The following SLC1A6 variants were observed in gnomAD, a reference collection of about 807,000 sequenced individuals.
SLC1A6 encodes excitatory amino acid transporter 4.
SLC1A6 carries 15 observed loss-of-function variants against 42.1 expected under a neutral mutation model. The observed-to-expected ratio is 0.36, with a 90% confidence interval of 0.24 to 0.55. The LOEUF is 0.55. Ranked by LOEUF, SLC1A6 falls within the 20% of genes least tolerant of loss-of-function variation. The pLI is 0.88. For missense variants in SLC1A6, 542 were observed against 772.5 expected (o/e 0.70, Z 3.54); for synonymous variants, 317 against 319.7 (o/e 0.99, Z 0.09).
chr19:14,964,698 G>A (rs2045553703), intron 4 of SLC1A6, among the ~76,000 whole-genome samples: 1 of 152,104 alleles, frequency 6.6e-6, no homozygotes, highest in African/African-American at 2.4e-5. Context: ...ATCACCTCAA[G>A]GACTTTAATT....
chr19:14,952,981 C>T lies in SLC1A6; in HGVS notation c.1446G>A (p.Ser482=), dbSNP rs759196664. The change falls in exon 9 of 10, where the codon TCG becomes TCA. Residue 482 remains serine, a synonymous_variant. Transcript: ENST00000594383. ...TGATGTCTTCCGTGGGCAAGCCGAC[C>T]GACGTAAGCACAATGACCATGGTGA... ...GLVTMVIVLT[S]VGLPTEDITL... is the part of the protein sequence containing the mutation. The T allele has an allele frequency of 6.2e-6, 10 of 1,613,960 alleles. No homozygotes were observed. The highest frequency in any genetic ancestry group is 1.6e-4 in the Middle Eastern group (1 of 6,062).
At chr19:14,969,039 C>T (rs2045607306) in intron 3 of SLC1A6, among the ~76,000 whole-genome samples, 1 of 152,010 alleles carries the variant, frequency 6.6e-6, no homozygotes, top group Non-Finnish European at 1.5e-5. Context: ...GGGGTTTCAC[C>T]ATGTTGGCCA....
rs1294967752 is a variant in SLC1A6, at chr19:14,972,862, G to A, written c.49C>T (p.Leu17=). The A allele has an allele frequency of 1.2e-6, 2 of 1,603,734 alleles. No homozygotes were observed. Among genetic ancestry groups the A allele is most frequent in the South Asian group, 1.1e-5 (1 of 89,782 alleles). Residue 17 remains leucine, a synonymous_variant, in exon 2 of 10, where the codon CTG becomes TTG. Coordinates refer to ENST00000594383, the MANE Select transcript of SLC1A6 (RefSeq NM_005071.3). ...CGCTGCAGCCAGCCCACCCGGCCCAGCCGCTGGCCGCTCTCCCGCAGGAAC... is the reference window on the plus strand; with the variant it reads ...CGCTGCAGCCAGCCCACCCGGCCCAACCGCTGGCCGCTCTCCCGCAGGAAC... ...SLFLRESGQR[L]GRVGWLQRLQ...
chr19:14,972,289 A>C (rs1417170336), intron 2 of SLC1A6, among the ~76,000 whole-genome samples: 1 of 152,174 alleles, frequency 6.6e-6, no homozygotes, highest in African/African-American at 2.4e-5. Context: ...CGTGTTCTTA[A>C]GCTCATAAGT....
At chr19:14,996,861 G>A (rs546680853) in intron 1 of SLC1A6, among the ~76,000 whole-genome samples, 1 of 152,162 alleles carries the variant, frequency 6.6e-6, no homozygotes, top group African/African-American at 2.4e-5. Context: ...CCAGGAGGTA[G>A]AAAGGATGCA....
chr19:15,003,566 G>A (rs138162063), intron 1 of SLC1A6, among the ~76,000 whole-genome samples: 1 of 151,510 alleles, frequency 6.6e-6, no homozygotes, highest in East Asian at 2.0e-4. Context: ...GTAGAACCTG[G>A]TGTCCCAGAA....
intron 1 of SLC1A6, among the ~76,000 whole-genome samples, chr19:14,975,526 G>A (rs1310973991): frequency 1.3e-5 from 2 of 152,018 alleles, no homozygotes; most frequent in African/African-American, 2.4e-5. Flanking sequence ...AGGCCGAGGT[G>A]GGCAGATCAC....
chr19:14,956,943 A>C (rs988400104), intron 6 of SLC1A6, among the ~76,000 whole-genome samples: 1 of 152,122 alleles, frequency 6.6e-6, no homozygotes, highest in Non-Finnish European at 1.5e-5. Context: ...CCATGGTAGA[A>C]AAGTTCCTAC....
Position 15,004,990 on chromosome 19 carries a change from T to C in SLC1A6, c.6+5495A>G, listed in dbSNP as rs144351747. 4.3e-3 allele frequency among the ~76,000 whole-genome samples: 659 copies of C among 152,290 alleles called. 6 individuals are homozygous for C. Among genetic ancestry groups the C allele is most frequent in the African/African-American group, 0.015 (620 of 41,558 alleles). On this transcript the variant is annotated intron_variant, in intron 1 of 8. Coordinates refer to the SLC1A6 transcript ENST00000430939. ...TCCTTCCAGACAGGCCAGGCACAGT[T>C]GCTCACATCTGAAACCCCAGAGCTT...
chr19:14,983,719 CAAAAAAAAAA>C (rs56657572), upstream of SLC1A6, among the ~76,000 whole-genome samples: 322 of 52,288 alleles, frequency 6.2e-3, 3 homozygotes, highest in African/African-American at 0.023. Flanking sequence ...ACAACAACAC[CAAAAAAAAAA>C]AAAAAAAAAA....
chr19:14,963,353 CAA>C (rs2045536793), intron 5 of SLC1A6, among the ~76,000 whole-genome samples: 2 of 152,130 alleles, frequency 1.3e-5, no homozygotes, highest in Admixed American at 1.3e-4. Context: ...TTCAGCTAGA[CAA>C]GAGCAATAAG....
chr19:14,992,694 C>T (rs575727962), intron 1 of SLC1A6, among the ~76,000 whole-genome samples: 1 of 152,048 alleles, frequency 6.6e-6, no homozygotes, highest in South Asian at 2.1e-4. Context: ...GATTGGAGCC[C>T]ACATCTGTCT....
chr19:14,995,326 C>CAAAAAAAAAAAAAAA (rs1173848535), intron 1 of SLC1A6, among the ~76,000 whole-genome samples: 2 of 53,030 alleles, frequency 3.8e-5, no homozygotes, highest in Non-Finnish European at 6.9e-5. Context: ...ACTCCATCTC[C>CAAAAAAAAAAAAAAA]AAAAAAAAAA....
chr19:15,008,458 G>A (rs955468740), intron 1 of SLC1A6, among the ~76,000 whole-genome samples: 2 of 152,154 alleles, frequency 1.3e-5, no homozygotes, highest in Admixed American at 6.5e-5. Context: ...TACACTGTTG[G>A]TGGGGATGCA....
At chr19:14,977,828 G>A (rs1313710566) in intron 1 of SLC1A6, 1 of 152,098 alleles carries the variant, frequency 6.6e-6, no homozygotes, top group Non-Finnish European at 1.5e-5. Flanking sequence ...TAAAATAGTT[G>A]CCAACTGTGG....
chr19:14,972,837 C>T lies in SLC1A6; in HGVS notation c.74G>A (p.Arg25Gln), dbSNP rs563252747. 9.4e-6 allele frequency: 15 copies of T among 1,604,010 alleles called. No individual in the cohort carries two copies. The highest frequency in any genetic ancestry group is 1.3e-5 in the Non-Finnish European group (15 of 1,175,936). ...QRLGRVGWLQRLQESLQQRAL... is the reference protein window; with the variant it reads ...QRLGRVGWLQQLQESLQQRAL... ...TCTCTGCTGCAGGCTTTCCTGCAGC[C>T]GCTGCAGCCAGCCCACCCGGCCCAG... Residue 25 changes from arginine (R) to glutamine (Q), a missense_variant, in exon 2 of 10, where the codon CGG becomes CAG. Arg to Gln is a conservative substitution (Grantham distance 43). Around this residue, in one of 6 missense-constraint regions of SLC1A6, gnomAD observed 88 missense variants for 85.5 expected, o/e 1.03. Transcript: ENST00000594383.
At chr19:15,003,288 A>G (rs2045880822) in intron 1 of SLC1A6, among the ~76,000 whole-genome samples, 1 of 152,014 alleles carries the variant, frequency 6.6e-6, no homozygotes, top group Non-Finnish European at 1.5e-5. Context: ...TGCCTGAGTC[A>G]TTTTGAGGGA....
At chr19:14,968,124 AC>A in intron 4 of SLC1A6, among the ~76,000 whole-genome samples, 178 bp downstream of exon 4, 2 of 152,224 alleles carry the variant, frequency 1.3e-5, no homozygotes, top group Middle Eastern at 3.4e-3. Context: ...TGTTTAGCCA[AC>A]CCATTCAGCA....
At chr19:14,997,867 G>A (rs1488939294) in intron 1 of SLC1A6, among the ~76,000 whole-genome samples, 1 of 152,050 alleles carries the variant, frequency 6.6e-6, no homozygotes, top group Non-Finnish European at 1.5e-5. Context: ...ATCTTCCCTT[G>A]CCTCATTCTA....
Sources: allele counts gnomAD v4.1 joint callset (sites outside exome capture counted in the v4.1 genomes callset), GRCh38; gene constraint gnomAD v4.1.1; regional missense constraint gnomAD v4.1.1; transcripts MANE v1.5; gene names NCBI Gene and HGNC (gene_info 2026-07-23, HGNC 2026-07-21).